The following RHPN1 variants were observed in gnomAD, a reference collection of about 807,000 sequenced individuals.
RHPN1 encodes the protein rhophilin-1.
In RHPN1, 77 loss-of-function variants were observed where a neutral mutation model predicts 74.7. That is an observed-to-expected ratio of 1.03 (90% CI 0.86 to 1.25). The LOEUF (loss-of-function observed/expected upper bound fraction) is 1.25. Among genes scored for constraint, RHPN1 ranks in the 50% most tolerant of loss-of-function variants. The pLI is 0.00. For synonymous variants in RHPN1, 444 were observed against 414.5 expected, an observed-to-expected ratio of 1.07 and a Z score of -0.87; for missense variants, 987 against 932.2, an observed-to-expected ratio of 1.06 and a Z score of -0.77.
In RHPN1 at chr8:143,376,653, G is replaced by A. The variant is rs1211237997; in HGVS notation, c.305G>A (p.Ser102Asn). 15 of 1,564,170 alleles carry A rather than the reference G, an allele frequency of 9.6e-6. 1 individual carries two copies. The African/African-American group carries it at 1.6e-4, about 17-fold the overall frequency. ...SGGVDPGRHG[S>N]EAVTVPMIPL... ...GGCGTGGACCCTGGCCGGCATGGGA[G>A]GTGCGGGTGGGGGCCGGGACAGCAC... Residue 102 changes from serine (S) to asparagine (N), a missense_variant and splice_region_variant, in exon 3 of 15, where the codon AGC becomes AAC. Physicochemically the swap from Ser to Asn is conservative, Grantham distance 46. Coordinates refer to ENST00000289013, the MANE Select transcript of RHPN1 (RefSeq NM_052924.3).
Position 143,379,388 on chromosome 8 carries a change from A to G in RHPN1, c.825A>G (p.Ala275=), listed in dbSNP as rs747322641. The G allele has an allele frequency of 6.3e-7, 1 of 1,598,132 alleles. No individual in the cohort carries two copies. Among genetic ancestry groups the G allele is most frequent in the South Asian group, 1.1e-5 (1 of 88,370 alleles). ...SPDMSAASLC[A]LEQLMMAQAQ... is the part of the protein sequence containing the mutation. ...ACATGAGCGCTGCGTCCCTCTGCGC[A>G]CTGGAGCAGCTCATGATGGCCCAGG... The change falls in exon 8 of 15, where the codon GCA becomes GCG. Residue 275 remains alanine, a synonymous_variant. Coordinates refer to ENST00000289013, the MANE Select transcript of RHPN1 (RefSeq NM_052924.3).
intron 14 of RHPN1, 121 bp downstream of exon 14, chr8:143,382,089 C>T: frequency 9.9e-7 from 1 of 1,012,468 alleles, no homozygotes; most frequent in African/African-American, 1.6e-5. Flanking sequence ...GTAACCCTCC[C>T]TGGGCCGCCT....
rs769086452 is a variant in RHPN1, at chr8:143,380,696, C to T, written c.1324C>T (p.Gln442Ter). The T allele has an allele frequency of 3.8e-6, 6 of 1,587,314 alleles. No individual in the cohort carries two copies. The South Asian group carries it at 6.9e-5, about 18-fold the overall frequency. Residue 442 changes from glutamine (Q) to a stop codon, truncating the protein, a stop_gained, in exon 11 of 15, where the codon CAG (glutamine) becomes TAG (stop). Transcript: ENST00000289013. LOFTEE classifies it high-confidence loss of function. ...EVDLLRAVIS[Q>*]TLQRSLAKYA... ...GGACCTGCTTCGGGCTGTGATCTCC[C>T]AGACGCTGCAGCGCTCACTGGCCAA...
At chr8:143,379,544 G>A (rs762925374) in intron 8 of RHPN1, 36 bp downstream of exon 8, 68 of 1,514,834 alleles carry the variant, frequency 4.5e-5, no homozygotes, top group Middle Eastern at 4.6e-4. Context: ...TGCAGGGGGT[G>A]GGGCCGAGCT....
chr8:143,379,220 C>T lies in RHPN1; in HGVS notation c.752-95C>T, dbSNP rs116056094. ...TGAGCACATCAGGTCCATATGTGTC[C>T]CAGGAGCATCCCTAGCTGGCCGCCC... On this transcript the variant is annotated intron_variant, in intron 7 of 14. Transcript: ENST00000289013. 7.7e-3 allele frequency: 10,810 copies of T among 1,408,190 alleles called. 607 individuals are homozygous for T. The African/African-American group carries it at 0.14, about 18-fold the overall frequency. 87.2% of individuals were successfully genotyped at this position (1,408,190 alleles called of 1,614,324 possible). A position where few individuals can be genotyped will look rare whatever the true frequency, so the allele number is the denominator to read the frequency against.
chr8:143,364,586 G>A (rs1817538422), upstream of RHPN1, among the ~76,000 whole-genome samples: 1 of 151,974 alleles, frequency 6.6e-6, no homozygotes, highest in African/African-American at 2.4e-5. The surrounding 1 kb of genome is among the most constrained non-coding windows in gnomAD (Gnocchi z 4.5). Context: ...AATGTTCTCA[G>A]TGGCTCTTTT....
rs915417833 is a variant in RHPN1 at position 143,381,804 on chromosome 8, C to T, written c.1636-3C>T. 2.5e-6 allele frequency: 4 copies of T among 1,611,866 alleles called. No individual in the cohort carries two copies. Among genetic ancestry groups the T allele is most frequent in the Middle Eastern group, 1.7e-4 (1 of 6,054 alleles). On this transcript the variant is annotated splice_polypyrimidine_tract_variant and splice_region_variant and intron_variant, in intron 13 of 14. Coordinates refer to ENST00000289013, the MANE Select transcript of RHPN1 (RefSeq NM_052924.3). Reference sequence around the variant, plus strand: ...CCACCTCACCGTCCAAGTCTCCCCACAGGCGGCTGGCCTGAAGGAGGGCGA... The same window carrying T: ...CCACCTCACCGTCCAAGTCTCCCCATAGGCGGCTGGCCTGAAGGAGGGCGA...
chr8:143,365,804 C>T (rs960867018), upstream of RHPN1, among the ~76,000 whole-genome samples: 1 of 152,014 alleles, frequency 6.6e-6, no homozygotes, highest in African/African-American at 2.4e-5. Flanking sequence ...TGAGACAAGC[C>T]TGGGCAACAT....
At chr8:143,368,677 G>T (rs1393661456), upstream of RHPN1, 1 of 222,676 alleles carries the variant, frequency 4.5e-6, no homozygotes, top group Non-Finnish European at 8.7e-6. Context: ...GTTGCCAGGG[G>T]TTACCGTCCC....
At chr8:143,370,505 CAG>C (rs1170155778) in intron 1 of RHPN1, among the ~76,000 whole-genome samples, 19 of 152,214 alleles carry the variant, frequency 1.2e-4, no homozygotes, top group Non-Finnish European at 1.3e-4. Context: ...TTCAGTGGGT[CAG>C]GGGTCGGTCG....
chr8:143,378,467 C>T lies in RHPN1; in HGVS notation c.459+121C>T, dbSNP rs376565702. 255 of 1,017,764 alleles carry T rather than the reference C, an allele frequency of 2.5e-4. 1 individual carries two copies. In the African/African-American group the frequency reaches 3.0e-3, roughly 12 times the overall value. The allele number at this position is 1,017,764 out of a possible 1,614,324, so 63.0% of individuals were successfully genotyped here. Reference sequence around the variant, plus strand: ...TAGACATCTCGAGGACGTGGGGAGACGGGCGCACCAGGGGCCCTGTGTGTC... The same window carrying T: ...TAGACATCTCGAGGACGTGGGGAGATGGGCGCACCAGGGGCCCTGTGTGTC... On this transcript the variant is annotated intron_variant, in intron 5 of 14. Transcript: ENST00000289013.
intron 10 of RHPN1, 92 bp downstream of exon 10, chr8:143,380,267 G>A (rs1586830587): frequency 2.2e-6 from 2 of 906,494 alleles, no homozygotes; most frequent in African/African-American, 1.7e-5. Context: ...TTTGCCACCT[G>A]CTGTCCCCGT....
intron 10 of RHPN1, 42 bp from the exon 11 acceptor site, chr8:143,380,547 C>G (rs890876885): frequency 8.4e-6 from 12 of 1,429,642 alleles, no homozygotes; most frequent in Non-Finnish European, 1.1e-5. Context: ...CCAGGGCCCA[C>G]GGGCCCACAT....
At chr8:143,374,332 G>A (rs1178977229) in intron 1 of RHPN1, 7 of 984,566 alleles carry the variant, frequency 7.1e-6, no homozygotes, top group Non-Finnish European at 8.4e-6. Context: ...ACCTTCAGAC[G>A]CCACAAGGTC....
chr8:143,365,876 G>A (rs907502244), upstream of RHPN1, among the ~76,000 whole-genome samples: 3 of 151,864 alleles, frequency 2.0e-5, no homozygotes, highest in African/African-American at 4.8e-5. Flanking sequence ...GCATGCAAGC[G>A]GTCCCTGCTA....
rs527671648 is a variant in RHPN1 at position 143,375,204 on chromosome 8, G to A, written c.61-349G>A. Among the ~76,000 whole-genome samples, 17 of 152,300 alleles carry A rather than the reference G, an allele frequency of 1.1e-4. No homozygotes were observed. The South Asian group carries it at 3.3e-3, about 30-fold the overall frequency. On this transcript the variant is annotated intron_variant, in intron 1 of 14. Coordinates refer to ENST00000289013, the MANE Select transcript of RHPN1 (RefSeq NM_052924.3). ...GGAAGGCTGTGAGGAGCAGTGGGCC[G>A]CCTCCTGCAGGGCTCCCGGAGCCCC... is the stretch of plus-strand genomic sequence containing the variant.
Position 143,379,442 on chromosome 8 carries a change from A to G in RHPN1, c.879A>G (p.Ser293=). 6.3e-7 allele frequency: 1 copy of G among 1,575,332 alleles called. No individual in the cohort carries two copies. Among genetic ancestry groups the G allele is most frequent in the Non-Finnish European group, 8.6e-7 (1 of 1,161,122 alleles). ...QAQECVFEGL[S]PPASMAPQDC... ...AGGAATGTGTGTTTGAGGGCCTCTC[A>G]CCACCTGCCTCCATGGCCCCCCAAG... Residue 293 remains serine (S), a synonymous_variant, in exon 8 of 15, where the codon TCA becomes TCG. Transcript: ENST00000289013.
intron 14 of RHPN1, 33 bp downstream of exon 14, chr8:143,382,001 C>A: frequency 1.3e-6 from 2 of 1,537,182 alleles, no homozygotes; most frequent in South Asian, 1.3e-5. Flanking sequence ...GGGCGGTCCC[C>A]AGCTTGCTGT....
At chr8:143,365,366 T>G (rs1175996246), upstream of RHPN1, among the ~76,000 whole-genome samples, 3 of 152,124 alleles carry the variant, frequency 2.0e-5, no homozygotes, top group Non-Finnish European at 4.4e-5. Flanking sequence ...AGCAGGAAAT[T>G]TCTGGAATCA....
Sources: allele counts gnomAD v4.1 joint callset (sites outside exome capture counted in the v4.1 genomes callset), GRCh38; gene constraint gnomAD v4.1.1; non-coding constraint Gnocchi (gnomAD v3.1); transcripts MANE v1.5; gene names NCBI Gene and HGNC (gene_info 2026-07-23, HGNC 2026-07-21).